PLEKHA8: variants seen among roughly 807,000 people sequenced by gnomAD.
The protein encoded by PLEKHA8 is pleckstrin homology domain-containing family A member 8.
PLEKHA8 carries 36 observed loss-of-function variants against 68.2 expected under a neutral mutation model. The ratio of observed to expected loss-of-function variants is 0.53; its 90% CI spans 0.40 to 0.70. The LOEUF (loss-of-function observed/expected upper bound fraction) is 0.70, where lower values mean the gene tolerates loss of function less well. Ranked by LOEUF, PLEKHA8 falls within the 30% of genes least tolerant of loss-of-function variation. PLEKHA8 has a pLI of 0.00. For missense variants in PLEKHA8, 505 were observed against 615.4 expected (o/e 0.82, Z 1.90); for synonymous variants, 211 against 216.1 (o/e 0.98, Z 0.20).
rs575966099 is a variant in PLEKHA8 at position 30,115,521 on chromosome 7, T to C, written c.1363-13745T>C. Reference sequence around the variant, plus strand: ...ATGTATACATATGTACACATACACGTATACATGTAGACATATGTACACATG... The same window carrying C: ...ATGTATACATATGTACACATACACGCATACATGTAGACATATGTACACATG... On this transcript the variant is annotated intron_variant, in intron 13 of 13. Transcript: ENST00000396257. Among the ~76,000 whole-genome samples, 38 of 106,472 alleles carry C rather than the reference T, an allele frequency of 3.6e-4. 1 individual carries two copies. Among genetic ancestry groups the C allele is most frequent in the Middle Eastern group, 9.7e-3 (2 of 206 alleles). The allele number at this position is 106,472 out of a possible 152,430, so 69.8% of individuals were successfully genotyped here. A position where few individuals can be genotyped will look rare whatever the true frequency, so the allele number is the denominator to read the frequency against.
chr7:30,065,762 T>A (rs1012645687), intron 12 of PLEKHA8, among the ~76,000 whole-genome samples: 5 of 152,222 alleles, frequency 3.3e-5, no homozygotes, highest in African/African-American at 9.6e-5. Flanking sequence ...TTGATAAATA[T>A]TTTATTTAAT....
At chr7:30,118,016 A>G (rs1325456795) in intron 13 of PLEKHA8, 1 of 1,528,286 alleles carries the variant, frequency 6.5e-7, no homozygotes, top group Non-Finnish European at 8.7e-7. Context: ...GTCACTCAGA[A>G]TCAGGCGGGT....
intron 13 of PLEKHA8, among the ~76,000 whole-genome samples, chr7:30,109,607 AAAAAAAGAGAG>A (rs1562554271): frequency 9.1e-6 from 1 of 110,236 alleles, no homozygotes; most frequent in Non-Finnish European, 2.0e-5. Context: ...AAAAAAAAAA[AAAAAAAGAGAG>A]AGAGATTAAC....
At chr7:30,038,294 A>G (rs1791260257) in intron 1 of PLEKHA8, among the ~76,000 whole-genome samples, 1 of 152,240 alleles carries the variant, frequency 6.6e-6, no homozygotes, top group African/African-American at 2.4e-5. Flanking sequence ...TCTGAGCTAT[A>G]ATAGAAACCT....
chr7:30,085,301 G>A (rs1795140376), downstream of PLEKHA8, among the ~76,000 whole-genome samples: 1 of 152,094 alleles, frequency 6.6e-6, no homozygotes, highest in Admixed American at 6.5e-5. Context: ...TGAAGCATCA[G>A]ACAGCCTCTG....
Position 30,058,574 on chromosome 7 carries a change from A to G in PLEKHA8, c.1040-2310A>G, listed in dbSNP as rs115101023. 7.4e-3 allele frequency among the ~76,000 whole-genome samples: 1,124 copies of G among 151,920 alleles called. 19 individuals are homozygous for G. The highest frequency in any genetic ancestry group is 0.026 in the African/African-American group (1,064 of 41,420). ...GCTTTGGCAGCTCTGTCAAAAACCA[A>G]TTGAACTTATAATGCTTATAATATG... On this transcript the variant is annotated intron_variant, in intron 9 of 13. Coordinates refer to ENST00000449726, the MANE Select transcript of PLEKHA8 (RefSeq NM_001197026.2).
chr7:30,063,408 C>T (rs1396078285), intron 12 of PLEKHA8, among the ~76,000 whole-genome samples: 1 of 152,144 alleles, frequency 6.6e-6, no homozygotes, highest in Non-Finnish European at 1.5e-5. Flanking sequence ...GGGGAGCATC[C>T]TTAGAGTGCT....
At position 30,036,138 on chromosome 7, in the gene PLEKHA8, C is replaced by A. The variant is rs141695873; in HGVS notation, c.40+7336C>A. 8.9e-3 allele frequency among the ~76,000 whole-genome samples: 1,353 copies of A among 152,116 alleles called. 21 individuals carry two copies. Among genetic ancestry groups the A allele is most frequent in the African/African-American group, 0.031 (1,307 of 41,518 alleles). Reference sequence around the variant, plus strand: ...GGGCGTGATGGCACACGACTGTAATCCCAGCTACTTGGGAGGCTGAGGCAC... The same window carrying A: ...GGGCGTGATGGCACACGACTGTAATACCAGCTACTTGGGAGGCTGAGGCAC... On this transcript the variant is annotated intron_variant, in intron 1 of 13. Coordinates refer to ENST00000449726, the MANE Select transcript of PLEKHA8 (RefSeq NM_001197026.2).
At chr7:30,049,063 G>T in intron 4 of PLEKHA8, 161 bp from the exon 5 acceptor site, 1 of 614,792 alleles carries the variant, frequency 1.6e-6, no homozygotes, top group Non-Finnish European at 2.7e-6. Context: ...ATAGTTACTT[G>T]ATTAATAGAT....
intron 12 of PLEKHA8, among the ~76,000 whole-genome samples, chr7:30,070,547 C>CTT (rs34425647): frequency 1.8e-3 from 253 of 137,326 alleles, no homozygotes; most frequent in African/African-American, 5.1e-3. Flanking sequence ...GAATCCAGAG[C>CTT]TTTTTTTTTT....
rs1794857149 is a variant in PLEKHA8, at chr7:30,080,260, GC to G, written c.*1474del. 1.0e-6 allele frequency: 1 copy of G among 985,280 alleles called. No homozygotes were observed. Among genetic ancestry groups the G allele is most frequent in the Non-Finnish European group, 1.2e-6 (1 of 829,934 alleles). 61.0% of individuals were successfully genotyped at this position (985,280 alleles called of 1,614,324 possible). A position where few individuals can be genotyped will look rare whatever the true frequency, so the allele number is the denominator to read the frequency against. On this transcript the variant is annotated 3_prime_UTR_variant, in exon 14 of 14. Transcript: ENST00000449726. Reference sequence around the variant, plus strand: ...TGGGCATTCTTCTGCACAGTGTGATGCTCCAACCCTGGCCCTAGTCTCAGTA... The same window carrying G: ...TGGGCATTCTTCTGCACAGTGTGATGTCCAACCCTGGCCCTAGTCTCAGTA...
Position 30,082,009 on chromosome 7 carries a change from A to G in PLEKHA8, c.*3222A>G. On this transcript the variant is annotated 3_prime_UTR_variant, in exon 14 of 14. Coordinates refer to ENST00000449726, the MANE Select transcript of PLEKHA8 (RefSeq NM_001197026.2). ...TTGGGAGTGAAACCAAATTGTAACTATGAGGAGAAGATGGTCTTCTCATTG... is the reference window on the plus strand; with the variant it reads ...TTGGGAGTGAAACCAAATTGTAACTGTGAGGAGAAGATGGTCTTCTCATTG... 1 of 930,924 alleles carries G rather than the reference A, an allele frequency of 1.1e-6. No individual in the cohort carries two copies. Among genetic ancestry groups the G allele is most frequent in the Non-Finnish European group, 1.3e-6 (1 of 780,506 alleles). 57.7% of individuals were successfully genotyped at this position (930,924 alleles called of 1,614,324 possible).
At position 30,081,880 on chromosome 7, in the gene PLEKHA8, T is replaced by G. The variant is rs887478607; in HGVS notation, c.*3093T>G. 1 of 984,548 alleles carries G rather than the reference T, an allele frequency of 1.0e-6. No homozygotes were observed. Among genetic ancestry groups the G allele is most frequent in the Non-Finnish European group, 1.2e-6 (1 of 829,238 alleles). The allele number at this position is 984,548 out of a possible 1,614,324, so 61.0% of individuals were successfully genotyped here. A position where few individuals can be genotyped will look rare whatever the true frequency, so the allele number is the denominator to read the frequency against. On this transcript the variant is annotated 3_prime_UTR_variant, in exon 14 of 14. Transcript: ENST00000449726. ...AGGGATCAGGGTGTATTTGTTGAATTAAACAAAATATTTTCAATGATGGCA... is the reference window on the plus strand; with the variant it reads ...AGGGATCAGGGTGTATTTGTTGAATGAAACAAAATATTTTCAATGATGGCA...
In PLEKHA8 at chr7:30,028,449, C is replaced by T. The variant is rs982763788; in HGVS notation, c.-314C>T. On this transcript the variant is annotated 5_prime_UTR_variant, in exon 1 of 14. Transcript: ENST00000449726. ...CGCCGCCTGCGACCGGCAGCTCGTT[C>T]GCCGCACTTTGGAGGCTTCGGCTGC... 27 of 298,876 alleles carry T rather than the reference C, an allele frequency of 9.0e-5. No homozygotes were observed. The Middle Eastern group carries it at 2.7e-3, about 30-fold the overall frequency. 18.5% of individuals were successfully genotyped at this position (298,876 alleles called of 1,614,324 possible).
At position 30,082,386 on chromosome 7, in the gene PLEKHA8, C is replaced by T. The variant is rs1049387574; in HGVS notation, c.*3599C>T. The stretch of plus-strand genomic sequence containing the variant: ...AGCTTCTAGCACATATGTAGAGTAT[C>T]TGGCACCACCTTAGCCCAGGGCTGC... On this transcript the variant is annotated 3_prime_UTR_variant, in exon 14 of 14. Transcript: ENST00000449726. The T allele has an allele frequency of 6.1e-6, 6 of 985,324 alleles. No homozygotes were observed. Among genetic ancestry groups the T allele is most frequent in the Non-Finnish European group, 7.2e-6 (6 of 829,968 alleles). 61.0% of individuals were successfully genotyped at this position (985,324 alleles called of 1,614,324 possible). A position where few individuals can be genotyped will look rare whatever the true frequency, so the allele number is the denominator to read the frequency against.
chr7:30,070,494 A>G (rs770802931), intron 12 of PLEKHA8, among the ~76,000 whole-genome samples: 2 of 150,844 alleles, frequency 1.3e-5, no homozygotes, highest in South Asian at 4.2e-4. Context: ...TTGAATGGCA[A>G]TGTATAGGAA....
At chr7:30,072,009 G>A (rs1794266821) in intron 12 of PLEKHA8, 1 of 152,168 alleles carries the variant, frequency 6.6e-6, no homozygotes, top group Non-Finnish European at 1.5e-5. Context: ...GGTCTTGTAT[G>A]CCATCTGAAA....
At chr7:30,106,063 T>A (rs1055603345) in intron 13 of PLEKHA8, among the ~76,000 whole-genome samples, 12 of 151,682 alleles carry the variant, frequency 7.9e-5, no homozygotes, top group African/African-American at 2.9e-4. Context: ...ATCTTTTTTT[T>A]TTTTTTTCTT....
chr7:30,117,936 T>C, intron 13 of PLEKHA8: 1 of 1,454,048 alleles, frequency 6.9e-7, no homozygotes, highest in Non-Finnish European at 9.3e-7. Context: ...TTTTAAAAAA[T>C]TTAAAAACTG....
Sources: gnomAD v4.1 joint callset for allele counts (sites outside exome capture counted in the v4.1 genomes callset) on GRCh38, gnomAD v4.1.1 for gene constraint, MANE v1.5 for transcripts, NCBI Gene and HGNC (gene_info 2026-07-23, HGNC 2026-07-21) for gene names.